Variants in ATL1 observed in about 807,000 individuals in gnomAD.
ATL1 encodes atlastin-1.
In ATL1, 31 loss-of-function variants were observed where a neutral mutation model predicts 75.5. The ratio of observed to expected loss-of-function variants is 0.41; its 90% CI spans 0.31 to 0.55. The LOEUF (loss-of-function observed/expected upper bound fraction) is 0.55. Among genes scored for constraint, ATL1 ranks in the 20% least tolerant of loss-of-function variants. The probability of loss-of-function intolerance (pLI) is 0.27; values close to 1 mark genes in which losing one functional copy is unlikely to be tolerated. For synonymous variants in ATL1, 226 were observed against 233.3 expected (o/e 0.97, Z 0.28); for missense variants, 405 against 662.6 (o/e 0.61, Z 4.27).
intron 1 of ATL1, among the ~76,000 whole-genome samples, chr14:50,549,352 A>G (rs2038673915): frequency 6.6e-6 from 1 of 152,210 alleles, no homozygotes; most frequent in Non-Finnish European, 1.5e-5. Flanking sequence ...CTCTATGCAG[A>G]TATTCTAGCA....
intron 10 of ATL1, among the ~76,000 whole-genome samples, chr14:50,622,570 G>C (rs1410102993): frequency 1.3e-5 from 2 of 152,152 alleles, no homozygotes; most frequent in Non-Finnish European, 2.9e-5. Context: ...GGAGGCTGAG[G>C]CAGGAGAATT....
At chr14:50,603,212 A>G (rs1395270465) in intron 6 of ATL1, among the ~76,000 whole-genome samples, 2 of 152,120 alleles carry the variant, frequency 1.3e-5, no homozygotes, top group Non-Finnish European at 2.9e-5. Context: ...ATTTACATTT[A>G]TTATCTTCTC....
chr14:50,594,786 G>C (rs1381582904), intron 5 of ATL1, among the ~76,000 whole-genome samples: 1 of 152,144 alleles, frequency 6.6e-6, no homozygotes, highest in African/African-American at 2.4e-5. Context: ...CTTGAGCCCA[G>C]GAGTTTGAGA....
rs894699234 is a variant in ATL1, at chr14:50,628,473, C to G, written c.1551+11C>G. 2.5e-5 allele frequency: 41 copies of G among 1,612,790 alleles called. No individual in the cohort carries two copies. The highest frequency in any genetic ancestry group is 3.4e-5 in the Non-Finnish European group (40 of 1,179,340). On this transcript the variant is annotated intron_variant, in intron 12 of 13. Coordinates refer to ENST00000358385, the MANE Select transcript of ATL1 (RefSeq NM_015915.5). ...GCTCTGTGGGACCAGGTAAGAACAC[C>G]TTTAATTCACAACTAAATTCAGCAC...
chr14:50,617,362 A>T (rs1487308390), intron 8 of ATL1, among the ~76,000 whole-genome samples: 1 of 152,226 alleles, frequency 6.6e-6, no homozygotes, highest in Non-Finnish European at 1.5e-5. Context: ...TTAAATAACA[A>T]GGAGTTATCC....
chr14:50,631,703 A>T (rs913074940), intron 13 of ATL1, among the ~76,000 whole-genome samples: 1 of 152,198 alleles, frequency 6.6e-6, no homozygotes, highest in South Asian at 2.1e-4. Context: ...CACGGAAACA[A>T]GGCAAGAGCG....
At chr14:50,592,948 G>A (rs868350108) in intron 4 of ATL1, among the ~76,000 whole-genome samples, 54 of 94,868 alleles carry the variant, frequency 5.7e-4, no homozygotes, top group East Asian at 2.6e-3. Context: ...ATATATATAT[G>A]TGTGTGTGTG....
chr14:50,592,929 A>AAATATAT (rs562590227), intron 4 of ATL1, among the ~76,000 whole-genome samples: 18 of 113,870 alleles, frequency 1.6e-4, no homozygotes, highest in African/African-American at 5.6e-4. Flanking sequence ...AAAAAAAAAA[A>AAATATAT]ATATATATAT....
chr14:50,595,972 A>G (rs1197094628), intron 6 of ATL1, among the ~76,000 whole-genome samples: 1 of 152,146 alleles, frequency 6.6e-6, no homozygotes, highest in African/African-American at 2.4e-5. Context: ...TTATGTACAA[A>G]AATTAAACAT....
Position 50,582,252 on chromosome 14 carries a change from C to T in ATL1, c.35-5579C>T, listed in dbSNP as rs1009812074. 2.8e-4 allele frequency among the ~76,000 whole-genome samples: 43 copies of T among 151,518 alleles called. 1 individual carries two copies. The highest frequency in any genetic ancestry group is 6.0e-4 in the Non-Finnish European group (41 of 67,868). On this transcript the variant is annotated intron_variant, in intron 1 of 13. Coordinates refer to ENST00000358385, the MANE Select transcript of ATL1 (RefSeq NM_015915.5). ...CGAGATCGCGCCACTGCACTCTAGC[C>T]TGGGTGACAGAGTGAGTCTCCATCT...
At chr14:50,535,702 A>C (rs1372107060) in intron 1 of ATL1, among the ~76,000 whole-genome samples, 1 of 152,236 alleles carries the variant, frequency 6.6e-6, no homozygotes, top group African/African-American at 2.4e-5. Flanking sequence ...ATTCAGGATT[A>C]GTATCAGGTC....
chr14:50,552,986 G>A (rs1021429867), intron 1 of ATL1, among the ~76,000 whole-genome samples: 2 of 152,018 alleles, frequency 1.3e-5, no homozygotes, highest in Admixed American at 1.3e-4. Flanking sequence ...GAAAGCAAAT[G>A]CAACAAAAAC....
intron 1 of ATL1, among the ~76,000 whole-genome samples, chr14:50,544,846 AG>A (rs1403250673): frequency 6.9e-6 from 1 of 144,870 alleles, no homozygotes; most frequent in East Asian, 2.2e-4. Flanking sequence ...CTGAAGCAGG[AG>A]GATTGCATGA....
At chr14:50,600,257 T>TAA (rs754483014) in intron 6 of ATL1, among the ~76,000 whole-genome samples, 24 of 135,868 alleles carry the variant, frequency 1.8e-4, no homozygotes, top group African/African-American at 3.2e-4. Flanking sequence ...GGCTTTTGGT[T>TAA]AAAAAAAAAA....
At chr14:50,616,299 A>C in intron 8 of ATL1, among the ~76,000 whole-genome samples, 1 of 150,946 alleles carries the variant, frequency 6.6e-6, no homozygotes, top group East Asian at 2.0e-4. Flanking sequence ...GCACCCAGGC[A>C]ATTATTATTT....
chr14:50,604,130 G>A (rs372878026), intron 6 of ATL1, among the ~76,000 whole-genome samples: 8 of 152,116 alleles, frequency 5.3e-5, no homozygotes, highest in African/African-American at 9.6e-5. Flanking sequence ...CTTTATTCTC[G>A]TCTTTAATTT....
rs773401705 is a variant in ATL1, at chr14:50,620,658, G to A, written c.922G>A (p.Glu308Lys). The A allele has an allele frequency of 8.7e-6, 14 of 1,613,506 alleles. No individual in the cohort carries two copies. Among genetic ancestry groups the A allele is most frequent in the Admixed American group, 1.7e-5 (1 of 59,990 alleles). ...ACTGATTCCTTGGCTACTTAGTCCC[G>A]AGAGCCTAGATATTAAAGAGATCAA... ...KILIPWLLSP[E>K]SLDIKEINGN... The change falls in exon 9 of 14, where the codon GAG becomes AAG. Residue 308 changes from glutamate to lysine, a missense_variant. Physicochemically the swap from Glu to Lys is moderately conservative, Grantham distance 56. Transcript: ENST00000358385.
At chr14:50,539,776 T>C (rs2038538123) in intron 1 of ATL1, among the ~76,000 whole-genome samples, 1 of 152,240 alleles carries the variant, frequency 6.6e-6, no homozygotes, top group African/African-American at 2.4e-5. Context: ...AGATTTGCTC[T>C]GTTGACTTGA....
chr14:50,609,180 T>G (rs1292411607), intron 6 of ATL1, among the ~76,000 whole-genome samples: 1 of 152,036 alleles, frequency 6.6e-6, no homozygotes, highest in Non-Finnish European at 1.5e-5. Context: ...CCCATGACCC[T>G]TAATGCAAAA....
Sources: gnomAD v4.1 joint callset for allele counts (sites outside exome capture counted in the v4.1 genomes callset) on GRCh38, gnomAD v4.1.1 for gene constraint, MANE v1.5 for transcripts, NCBI Gene and HGNC (gene_info 2026-07-23, HGNC 2026-07-21) for gene names.